Variants in KCNAB1 observed in about 807,000 individuals in gnomAD.
KCNAB1 encodes potassium voltage-gated channel subfamily A regulatory beta subunit 1, also known as voltage-gated potassium channel subunit beta-1.
A neutral mutation model predicts 64.6 loss-of-function variants in KCNAB1; 35 were observed. That is an observed-to-expected ratio of 0.54 (90% confidence interval 0.41 to 0.72). The LOEUF (loss-of-function observed/expected upper bound fraction) is 0.72, where lower values mean the gene tolerates loss of function less well. KCNAB1 is among the 30% of genes least tolerant of loss of function. KCNAB1 has a pLI of 0.00. For synonymous variants in KCNAB1, 177 were observed against 183.8 expected, an observed-to-expected ratio of 0.96 and a Z score of 0.30; for missense variants, 401 against 512.9, an observed-to-expected ratio of 0.78 and a Z score of 2.11.
chr3:156,372,332 T>C (rs1349885912), intron 1 of KCNAB1, among the ~76,000 whole-genome samples: 1 of 152,152 alleles, frequency 6.6e-6, no homozygotes, highest in African/African-American at 2.4e-5. Context: ...GTGAACTCAG[T>C]TGTAAAATGA....
chr3:156,387,137 G>T (rs1385486540), intron 1 of KCNAB1, among the ~76,000 whole-genome samples: 2 of 151,606 alleles, frequency 1.3e-5, no homozygotes, highest in Non-Finnish European at 2.9e-5. Flanking sequence ...GGGCAGATGT[G>T]GCCAGGGTGA....
At chr3:156,523,508 A>G (rs1718092203) in intron 11 of KCNAB1, among the ~76,000 whole-genome samples, 1 of 152,224 alleles carries the variant, frequency 6.6e-6, no homozygotes, top group Admixed American at 6.5e-5. Context: ...GGCTATCCCA[A>G]TAAAAAACGT....
intron 1 of KCNAB1, among the ~76,000 whole-genome samples, chr3:156,179,783 G>A (rs1195739967): frequency 1.3e-5 from 2 of 152,144 alleles, no homozygotes; most frequent in Admixed American, 1.3e-4. Flanking sequence ...TTCAAATACT[G>A]AACTTCTCCC....
At chr3:156,163,310 T>G (rs904452623) in intron 1 of KCNAB1, among the ~76,000 whole-genome samples, 1 of 152,100 alleles carries the variant, frequency 6.6e-6, no homozygotes, top group African/African-American at 2.4e-5. Flanking sequence ...AGATTCAACA[T>G]CCTTAAGGTT....
intron 1 of KCNAB1, among the ~76,000 whole-genome samples, chr3:156,206,895 C>T (rs1039818467): frequency 2.6e-5 from 4 of 151,864 alleles, no homozygotes; most frequent in African/African-American, 9.7e-5. Context: ...AGGACTTACA[C>T]AAGAAAAAAT....
chr3:156,329,800 G>A (rs1217565096), intron 1 of KCNAB1, among the ~76,000 whole-genome samples: 1 of 152,198 alleles, frequency 6.6e-6, no homozygotes, highest in Non-Finnish European at 1.5e-5. Context: ...AAATGTGGGT[G>A]TAGACACAAC....
intron 2 of KCNAB1, among the ~76,000 whole-genome samples, chr3:156,439,526 A>C (rs1313381703): frequency 6.6e-6 from 1 of 152,204 alleles, no homozygotes; most frequent in Admixed American, 6.5e-5. Flanking sequence ...GGACCTTAAA[A>C]TCTCCATCTC....
At chr3:156,372,827 A>G (rs1726407200) in intron 1 of KCNAB1, among the ~76,000 whole-genome samples, 1 of 152,216 alleles carries the variant, frequency 6.6e-6, no homozygotes, top group Non-Finnish European at 1.5e-5. Context: ...AAAGAATATT[A>G]CAGGATAGTT....
At chr3:156,379,828 C>T (rs575601812) in intron 1 of KCNAB1, among the ~76,000 whole-genome samples, 2 of 152,130 alleles carry the variant, frequency 1.3e-5, no homozygotes, top group African/African-American at 4.8e-5. Flanking sequence ...GAGGTGGTTT[C>T]AATGATCTAG....
chr3:156,308,472 G>A (rs9848813), intron 1 of KCNAB1, among the ~76,000 whole-genome samples: 22,897 of 152,176 alleles, frequency 0.15, 4,681 homozygotes, highest in African/African-American at 0.47. Flanking sequence ...AAAACAGTGT[G>A]TAGTCAGTTC....
At chr3:156,460,887 ACT>A (rs1190454960) in intron 5 of KCNAB1, among the ~76,000 whole-genome samples, 1 of 152,162 alleles carries the variant, frequency 6.6e-6, no homozygotes, top group East Asian at 1.9e-4. Flanking sequence ...CTTACTCCCC[ACT>A]CTGAGATAAA....
chr3:156,497,249 C>T (rs990408961), intron 8 of KCNAB1, among the ~76,000 whole-genome samples: 2 of 152,138 alleles, frequency 1.3e-5, no homozygotes, highest in Non-Finnish European at 2.9e-5. Context: ...TTTAATATCA[C>T]TAACATTAAG....
At chr3:156,134,384 A>G (rs996291225) in intron 1 of KCNAB1, among the ~76,000 whole-genome samples, 23 of 152,050 alleles carry the variant, frequency 1.5e-4, no homozygotes, top group Admixed American at 9.2e-4. Context: ...CTAATTTGCT[A>G]TCTTTACTTT....
chr3:156,469,831 G>A (rs1029360589), intron 7 of KCNAB1, among the ~76,000 whole-genome samples: 29 of 152,218 alleles, frequency 1.9e-4, no homozygotes, highest in African/African-American at 6.5e-4. Flanking sequence ...AGGGAATTGA[G>A]TGAGTTTTGC....
Position 156,327,597 on chromosome 3 carries a change from G to A in KCNAB1, c.276-94019G>A, listed in dbSNP as rs1723050984. Among the ~76,000 whole-genome samples, 4 of 152,218 alleles carry A rather than the reference G, an allele frequency of 2.6e-5. No homozygotes were observed. The South Asian group carries it at 8.3e-4, about 32-fold the overall frequency. On this transcript the variant is annotated intron_variant, in intron 1 of 13. Coordinates refer to ENST00000490337, the MANE Select transcript of KCNAB1 (RefSeq NM_172160.3). ...GGGCTTACATAAGTAAGTAACTCAT[G>A]GCCCTATCATCAAGCAAGCATTCAT...
At chr3:156,497,838 A>C (rs1489514883) in intron 8 of KCNAB1, among the ~76,000 whole-genome samples, 1 of 152,210 alleles carries the variant, frequency 6.6e-6, no homozygotes, top group African/African-American at 2.4e-5. Flanking sequence ...ATAGGCCCAA[A>C]GGCTTGTTTC....
At chr3:156,447,271 TTTTA>T (rs1178009741) in intron 2 of KCNAB1, among the ~76,000 whole-genome samples, 5 of 152,216 alleles carry the variant, frequency 3.3e-5, no homozygotes, top group Non-Finnish European at 5.9e-5. Context: ...TTATTTTACA[TTTTA>T]TTTATTTGTA....
intron 1 of KCNAB1, among the ~76,000 whole-genome samples, chr3:156,287,608 G>T (rs1164549155): frequency 1.3e-5 from 2 of 152,066 alleles, no homozygotes; most frequent in African/African-American, 4.8e-5. Context: ...GAGGTGGGCA[G>T]ATCAGGTCAG....
chr3:156,268,084 G>T (rs1718823526), intron 1 of KCNAB1, among the ~76,000 whole-genome samples: 1 of 140,156 alleles, frequency 7.1e-6, no homozygotes. Context: ...CTATCTCCAT[G>T]AGTTCAATTG....
Sources: gnomAD v4.1 joint callset for allele counts (sites outside exome capture counted in the v4.1 genomes callset) on GRCh38, gnomAD v4.1.1 for gene constraint, MANE v1.5 for transcripts, NCBI Gene and HGNC (gene_info 2026-07-23, HGNC 2026-07-21) for gene names.